Variants in PTPRQ observed in about 807,000 individuals in gnomAD.
The protein encoded by PTPRQ is phosphatidylinositol phosphatase PTPRQ.
Under a neutral mutation model 246.0 loss-of-function variants are expected in PTPRQ, and 199 were observed. That is an observed-to-expected ratio of 0.81 (90% CI 0.72 to 0.91). The LOEUF (loss-of-function observed/expected upper bound fraction) is 0.91, where lower values mean the gene tolerates loss of function less well. PTPRQ is among the 40% of genes least tolerant of loss of function. The pLI is 0.00. For synonymous variants in PTPRQ, 869 were observed against 853.2 expected, an observed-to-expected ratio of 1.02 and a Z score of -0.32; for missense variants, 2,624 against 2,528.4, an observed-to-expected ratio of 1.04 and a Z score of -0.81.
intron 9 of PTPRQ, among the ~76,000 whole-genome samples, chr12:80,488,055 T>C (rs1300423713): frequency 6.6e-6 from 1 of 151,844 alleles, no homozygotes; most frequent in Non-Finnish European, 1.5e-5. Context: ...CCTGGATTCT[T>C]GCTGGCTCTT....
At chr12:80,604,148 T>C (rs184202550) in intron 26 of PTPRQ, among the ~76,000 whole-genome samples, 2 of 151,702 alleles carry the variant, frequency 1.3e-5, no homozygotes, top group Admixed American at 1.3e-4. Context: ...ACTTTTTCAA[T>C]AATGTTTGCC....
intron 26 of PTPRQ, among the ~76,000 whole-genome samples, chr12:80,602,796 T>C (rs1021309779): frequency 6.6e-6 from 1 of 151,786 alleles, no homozygotes; most frequent in Non-Finnish European, 1.5e-5. Context: ...TTTGACTCTC[T>C]TCAGAGCATG....
At chr12:80,618,303 T>C (rs1898843300) in intron 30 of PTPRQ, among the ~76,000 whole-genome samples, 1 of 150,412 alleles carries the variant, frequency 6.6e-6, no homozygotes, top group Non-Finnish European at 1.5e-5. Context: ...AAAAGATTCT[T>C]AAAAATATGG....
At chr12:80,650,299 C>T (rs1217003402) in intron 37 of PTPRQ, among the ~76,000 whole-genome samples, 3 of 144,864 alleles carry the variant, frequency 2.1e-5, no homozygotes. Context: ...TTTAAATCTA[C>T]TTAAAAGTTG....
intron 41 of PTPRQ, among the ~76,000 whole-genome samples, chr12:80,669,697 C>A (rs1900907649): frequency 6.6e-6 from 1 of 151,996 alleles, no homozygotes; most frequent in African/African-American, 2.4e-5. Context: ...ATTAGCATCA[C>A]ATTCTTAGGT....
At chr12:80,507,174 C>A (rs370222904) in intron 16 of PTPRQ, among the ~76,000 whole-genome samples, 12 of 151,662 alleles carry the variant, frequency 7.9e-5, no homozygotes, top group African/African-American at 2.9e-4. Flanking sequence ...AGCTTTCATA[C>A]TGAATATTTA....
At chr12:80,605,448 A>G (rs1011785712) in intron 27 of PTPRQ, among the ~76,000 whole-genome samples, 1 of 151,338 alleles carries the variant, frequency 6.6e-6, no homozygotes, top group Non-Finnish European at 1.5e-5. Context: ...TAACATTATT[A>G]TAATATGTTT....
At chr12:80,606,331 A>G (rs531802644) in intron 27 of PTPRQ, among the ~76,000 whole-genome samples, 119 of 151,122 alleles carry the variant, frequency 7.9e-4, no homozygotes, top group Middle Eastern at 3.4e-3. Flanking sequence ...TGTGCAAAGT[A>G]AGATGACAAC....
chr12:80,575,933 A>G lies in PTPRQ; in HGVS notation c.4286-12196A>G, dbSNP rs116337063. On this transcript the variant is annotated intron_variant, in intron 25 of 44. Coordinates refer to ENST00000644991, the MANE Select transcript of PTPRQ (RefSeq NM_001145026.2). ...TTCTGTTGGTTGCTTTATACCACTG[A>G]GGCCCATGTCCCCAACCTCACACCA... Among the ~76,000 whole-genome samples, 1,018 of 151,958 alleles carry G rather than the reference A, an allele frequency of 6.7e-3. 12 individuals are homozygous for G. Among genetic ancestry groups the G allele is most frequent in the African/African-American group, 0.023 (969 of 41,468 alleles).
intron 8 of PTPRQ, among the ~76,000 whole-genome samples, chr12:80,473,022 T>TACACACACACACACACAC (rs371484292): frequency 1.5e-4 from 19 of 129,120 alleles, no homozygotes; most frequent in African/African-American, 5.1e-4. Flanking sequence ...TAGACATGTA[T>TACACACACACACACACAC]ACACACACAC....
chr12:80,525,311 T>C (rs1895648630), intron 17 of PTPRQ, among the ~76,000 whole-genome samples: 1 of 152,146 alleles, frequency 6.6e-6, no homozygotes, highest in Non-Finnish European at 1.5e-5. Context: ...CAAATTGGCT[T>C]AAGCAAAAAT....
chr12:80,587,930 T>C (rs966904919), intron 25 of PTPRQ, among the ~76,000 whole-genome samples, 199 bp from the exon 26 acceptor site: 7 of 152,186 alleles, frequency 4.6e-5, no homozygotes, highest in Admixed American at 4.6e-4. Context: ...AATTATTTTG[T>C]CCTCTACCCT....
At chr12:80,668,170 T>C (rs1016735154) in intron 39 of PTPRQ, among the ~76,000 whole-genome samples, 5 of 152,008 alleles carry the variant, frequency 3.3e-5, no homozygotes, top group Non-Finnish European at 5.9e-5. Context: ...ATTCCATTAC[T>C]ACTTTTTAAC....
intron 8 of PTPRQ, among the ~76,000 whole-genome samples, chr12:80,477,796 C>A (rs887510291): frequency 6.6e-6 from 1 of 152,126 alleles, no homozygotes; most frequent in African/African-American, 2.4e-5. Context: ...CGGGTCACTC[C>A]GACCCGAATA....
rs1327352169 is a variant in PTPRQ, at chr12:80,495,389, G to GTTC, written c.1882+20_1882+21insCTT. The GTTC allele has an allele frequency of 8.8e-6, 13 of 1,475,752 alleles. No individual in the cohort carries two copies. The South Asian group carries it at 1.7e-4, about 19-fold the overall frequency. The allele number at this position is 1,475,752 out of a possible 1,614,324, so 91.4% of individuals were successfully genotyped here. A position where few individuals can be genotyped will look rare whatever the true frequency, so the allele number is the denominator to read the frequency against. ...CATAACAGGTAGAAAACAATGTTTT[G>GTTC]TTGTTGTTGTTGTTGTTCATTTTAC... On this transcript the variant is annotated intron_variant, in intron 12 of 44. Coordinates refer to ENST00000644991, the MANE Select transcript of PTPRQ (RefSeq NM_001145026.2).
chr12:80,480,150 G>T (rs1455307421), intron 8 of PTPRQ, among the ~76,000 whole-genome samples: 3 of 152,026 alleles, frequency 2.0e-5, no homozygotes, highest in East Asian at 3.9e-4. Context: ...AAATGTAAAA[G>T]AACAGAAATT....
In PTPRQ at chr12:80,495,101, A is replaced by T. The variant is rs751332334; in HGVS notation, c.1702+7A>T. 8.4e-6 allele frequency: 13 copies of T among 1,550,290 alleles called. No individual in the cohort carries two copies. The highest frequency in any genetic ancestry group is 2.0e-5 in the Admixed American group (1 of 50,906). ...GTTAGGACACGTCAGCAAGGTAAGG[A>T]TGTATTTCCTTTGAAACAATTAACT... On this transcript the variant is annotated splice_region_variant and intron_variant, in intron 11 of 44. Coordinates refer to ENST00000644991, the MANE Select transcript of PTPRQ (RefSeq NM_001145026.2).
chr12:80,485,482 C>T (rs2063214928), intron 9 of PTPRQ, among the ~76,000 whole-genome samples: 1 of 152,120 alleles, frequency 6.6e-6, no homozygotes, highest in South Asian at 2.1e-4. Flanking sequence ...GTTATTTTCC[C>T]CCACACATGC....
At chr12:80,576,812 C>T (rs1198098033) in intron 25 of PTPRQ, among the ~76,000 whole-genome samples, 4 of 152,150 alleles carry the variant, frequency 2.6e-5, no homozygotes, top group Non-Finnish European at 4.4e-5. Flanking sequence ...AATTCCTTTA[C>T]GTGACCCATT....
Sources: allele counts gnomAD v4.1 joint callset (sites outside exome capture counted in the v4.1 genomes callset), GRCh38; gene constraint gnomAD v4.1.1; transcripts MANE v1.5; gene names NCBI Gene and HGNC (gene_info 2026-07-23, HGNC 2026-07-21).